Variants in SPOCK3 observed in about 807,000 individuals in gnomAD.
The protein encoded by SPOCK3 is SPARC (osteonectin), cwcv and kazal like domains proteoglycan 3, also known as testican-3.
SPOCK3 carries 30 observed loss-of-function variants against 56.6 expected under a neutral mutation model. The ratio of observed to expected loss-of-function variants is 0.53; its 90% confidence interval spans 0.40 to 0.72. The LOEUF (loss-of-function observed/expected upper bound fraction) is 0.72, where lower values mean the gene tolerates loss of function less well. SPOCK3 is among the 30% of genes least tolerant of loss of function. The probability of loss-of-function intolerance (pLI) is 0.00; values close to 1 mark genes in which losing one functional copy is unlikely to be tolerated. For synonymous variants in SPOCK3, 196 were observed against 183.3 expected, an observed-to-expected ratio of 1.07 and a Z score of -0.56; for missense variants, 527 against 530.0, an observed-to-expected ratio of 0.99 and a Z score of 0.06.
At chr4:166,848,494 G>A (rs1048461068) in intron 6 of SPOCK3, among the ~76,000 whole-genome samples, 2 of 152,162 alleles carry the variant, frequency 1.3e-5, no homozygotes, top group Admixed American at 6.5e-5. Flanking sequence ...TCTTTTGCTG[G>A]ATGTACTAGG....
intron 3 of SPOCK3, among the ~76,000 whole-genome samples, chr4:167,061,582 C>A (rs1250013652): frequency 1.3e-5 from 2 of 151,824 alleles, no homozygotes; most frequent in Non-Finnish European, 2.9e-5. Context: ...GTAGCAGTCA[C>A]CCCAAATATT....
chr4:166,994,230 G>A (rs1193924407), intron 4 of SPOCK3, among the ~76,000 whole-genome samples: 1 of 152,108 alleles, frequency 6.6e-6, no homozygotes, highest in African/African-American at 2.4e-5. Context: ...CTATCATAAT[G>A]CCTATCATGG....
At chr4:166,771,735 A>G (rs1012659234) in intron 7 of SPOCK3, among the ~76,000 whole-genome samples, 2 of 152,064 alleles carry the variant, frequency 1.3e-5, no homozygotes, top group African/African-American at 4.8e-5. Context: ...CCTCAAATAG[A>G]GTGAGAAAAA....
At chr4:166,894,623 A>G (rs573345122) in intron 5 of SPOCK3, among the ~76,000 whole-genome samples, 88 of 152,274 alleles carry the variant, frequency 5.8e-4, no homozygotes, top group Non-Finnish European at 1.1e-3. Context: ...ACGACAACCC[A>G]GGTTAGTAAG....
intron 4 of SPOCK3, among the ~76,000 whole-genome samples, chr4:166,994,136 G>T (rs1037095940): frequency 2.0e-5 from 3 of 152,030 alleles, no homozygotes; most frequent in African/African-American, 7.2e-5. Flanking sequence ...AGGACATCTC[G>T]CGAGAAAATA....
Position 166,863,850 on chromosome 4 carries a change from C to A in SPOCK3, c.589+25280G>T, listed in dbSNP as rs531431641. Reference sequence around the variant, plus strand: ...CAATAATAGTGAGAGACTTTAAGACCTGACTGTCAATATTAGACAAATCAA... The same window carrying A: ...CAATAATAGTGAGAGACTTTAAGACATGACTGTCAATATTAGACAAATCAA... On this transcript the variant is annotated intron_variant, in intron 6 of 10. Transcript: ENST00000357545. 1.1e-4 allele frequency among the ~76,000 whole-genome samples: 17 copies of A among 152,146 alleles called. 1 individual carries two copies. Among genetic ancestry groups the A allele is most frequent in the African/African-American group, 3.9e-4 (16 of 41,522 alleles).
rs1743328170 is a variant in SPOCK3, at chr4:166,807,703, CA to C, written c.590-15415del. On this transcript the variant is annotated intron_variant, in intron 6 of 10. Coordinates refer to ENST00000357545, the MANE Select transcript of SPOCK3 (RefSeq NM_001040159.2). ...AGGACACATACTATAAAAAAGAAAC[CA>C]AAATTTAACGATCATCTGTTTCAAC... is the stretch of plus-strand genomic sequence containing the variant. Among the ~76,000 whole-genome samples, 3 of 152,124 alleles carry C rather than the reference CA, an allele frequency of 2.0e-5. No individual in the cohort carries two copies. The South Asian group carries it at 6.2e-4, about 32-fold the overall frequency.
chr4:166,788,405 A>G (rs1186563889), intron 7 of SPOCK3, among the ~76,000 whole-genome samples: 1 of 152,156 alleles, frequency 6.6e-6, no homozygotes, highest in East Asian at 1.9e-4. Context: ...TCTAACATCT[A>G]CAACATTTTT....
At chr4:166,736,849 C>T (rs1734264497) in intron 10 of SPOCK3, among the ~76,000 whole-genome samples, 1 of 151,864 alleles carries the variant, frequency 6.6e-6, no homozygotes, top group Admixed American at 6.6e-5. Context: ...CTTTAAAATG[C>T]ATGTATGTTA....
intron 4 of SPOCK3, among the ~76,000 whole-genome samples, chr4:166,996,833 T>C (rs1338970067): frequency 6.6e-6 from 1 of 152,166 alleles, no homozygotes; most frequent in Admixed American, 6.5e-5. Context: ...AATCATGTTA[T>C]TTTTCTGATT....
At chr4:166,785,301 G>C (rs553112203) in intron 7 of SPOCK3, among the ~76,000 whole-genome samples, 2 of 151,882 alleles carry the variant, frequency 1.3e-5, no homozygotes, top group Admixed American at 1.3e-4. Context: ...ATTAGGTGTC[G>C]ATTGTTAAAA....
intron 2 of SPOCK3, among the ~76,000 whole-genome samples, chr4:167,110,855 T>A (rs1271557759): frequency 6.6e-6 from 1 of 152,034 alleles, no homozygotes; most frequent in East Asian, 1.9e-4. Flanking sequence ...GATGAGTGTG[T>A]CAGTGCTAAC....
At chr4:166,769,552 C>T (rs923631057) in intron 7 of SPOCK3, among the ~76,000 whole-genome samples, 17 of 152,112 alleles carry the variant, frequency 1.1e-4, no homozygotes, top group East Asian at 3.9e-4. Context: ...CTGGAAGCTT[C>T]GTCTCAGAGG....
intron 2 of SPOCK3, among the ~76,000 whole-genome samples, chr4:167,131,729 CTCAA>C (rs1415035731): frequency 6.6e-6 from 1 of 152,186 alleles, no homozygotes; most frequent in Non-Finnish European, 1.5e-5. Flanking sequence ...GTATGGTTTT[CTCAA>C]TCATTTTCAC....
intron 2 of SPOCK3, among the ~76,000 whole-genome samples, chr4:167,175,520 T>C (rs1048112465): frequency 6.6e-6 from 1 of 152,192 alleles, no homozygotes; most frequent in African/African-American, 2.4e-5. Context: ...TGTGACCTTA[T>C]TTGAAGCCAG....
chr4:166,822,416 C>T (rs1001507136), intron 6 of SPOCK3, among the ~76,000 whole-genome samples: 6 of 151,976 alleles, frequency 3.9e-5, no homozygotes, highest in Non-Finnish European at 8.8e-5. Flanking sequence ...CCATCAGAAG[C>T]CCTCGATAAA....
chr4:166,971,718 C>T (rs1745401550), intron 4 of SPOCK3, among the ~76,000 whole-genome samples: 1 of 152,016 alleles, frequency 6.6e-6, no homozygotes, highest in Admixed American at 6.6e-5. Flanking sequence ...CAATAATGCA[C>T]TAAAGTAATG....
At chr4:166,809,112 TTAATAA>T (rs569798924) in intron 6 of SPOCK3, among the ~76,000 whole-genome samples, 1 of 152,094 alleles carries the variant, frequency 6.6e-6, no homozygotes. Context: ...ACTTCTCTCA[TTAATAA>T]TGAGTTTAAA....
chr4:166,902,316 G>T (rs970033690), intron 5 of SPOCK3, among the ~76,000 whole-genome samples: 1 of 151,826 alleles, frequency 6.6e-6, no homozygotes, highest in South Asian at 2.1e-4. Context: ...TTACTGTAAC[G>T]TGTCTAGACT....
Sources: allele counts gnomAD v4.1 joint callset (sites outside exome capture counted in the v4.1 genomes callset), GRCh38; gene constraint gnomAD v4.1.1; transcripts MANE v1.5; gene names NCBI Gene and HGNC (gene_info 2026-07-23, HGNC 2026-07-21).